GREB1L: variants seen among roughly 807,000 people sequenced by gnomAD.
GREB1L encodes the protein GREB1 like retinoic acid receptor coactivator.
In GREB1L, 17 loss-of-function variants were observed where a neutral mutation model predicts 200.8. The ratio of observed to expected loss-of-function variants is 0.08; its 90% CI spans 0.06 to 0.13. The LOEUF is 0.13. Among genes scored for constraint, GREB1L ranks in the 10% least tolerant of loss-of-function variants. GREB1L has a pLI of 1.00. For missense variants in GREB1L, 1,657 were observed against 2,367.7 expected (o/e 0.70, Z 6.23); for synonymous variants, 789 against 893.0 (o/e 0.88, Z 2.08).
chr18:21,325,061 T>C (rs2039002402), intron 1 of GREB1L, among the ~76,000 whole-genome samples: 1 of 152,208 alleles, frequency 6.6e-6, no homozygotes, highest in African/African-American at 2.4e-5. Context: ...AAACTACTGG[T>C]AGAAGTCTGT....
chr18:21,422,824 G>A (rs1210760303), intron 7 of GREB1L, among the ~76,000 whole-genome samples: 1 of 152,180 alleles, frequency 6.6e-6, no homozygotes, highest in East Asian at 1.9e-4. Context: ...TATGCATGCT[G>A]TCAAATTACT....
rs975761028 is a variant in GREB1L, at chr18:21,514,082, C to A, written c.4901+96C>A. 4 of 1,221,822 alleles carry A rather than the reference C, an allele frequency of 3.3e-6. No individual in the cohort carries two copies. The South Asian group carries it at 4.8e-5, about 15-fold the overall frequency. 75.7% of individuals were successfully genotyped at this position (1,221,822 alleles called of 1,614,324 possible). ...CATACGGAAGTAAGAAAGAGAGAGA[C>A]AGCTTTCCAGAGCAAAACAGTCAAC... is the stretch of plus-strand genomic sequence containing the variant. On this transcript the variant is annotated intron_variant, in intron 28 of 32. Coordinates refer to ENST00000424526, the MANE Select transcript of GREB1L (RefSeq NM_001142966.3).
intron 15 of GREB1L, among the ~76,000 whole-genome samples, chr18:21,455,637 A>C (rs1168166231): frequency 6.6e-6 from 1 of 151,658 alleles, no homozygotes; most frequent in African/African-American, 2.4e-5. Flanking sequence ...GAACCAAGAC[A>C]CTGCAGTCCA....
intron 1 of GREB1L, among the ~76,000 whole-genome samples, chr18:21,311,946 CCCAA>C (rs2038797901): frequency 6.6e-6 from 1 of 151,876 alleles, no homozygotes; most frequent in Non-Finnish European, 1.5e-5. Context: ...AAGCCTAGTA[CCCAA>C]TAGATATTTT....
At chr18:21,331,782 CA>C (rs1021035521) in intron 1 of GREB1L, among the ~76,000 whole-genome samples, 2 of 152,138 alleles carry the variant, frequency 1.3e-5, no homozygotes, top group Non-Finnish European at 2.9e-5. Flanking sequence ...ACGGGCAGTA[CA>C]ACCAAAAATT....
At chr18:21,429,672 G>A (rs1391962047) in intron 7 of GREB1L, among the ~76,000 whole-genome samples, 1 of 151,984 alleles carries the variant, frequency 6.6e-6, no homozygotes, top group Non-Finnish European at 1.5e-5. Flanking sequence ...GGATAATTGT[G>A]GGATTTATTT....
intron 15 of GREB1L, among the ~76,000 whole-genome samples, chr18:21,461,434 A>G (rs2145565675): frequency 6.6e-6 from 1 of 152,196 alleles, no homozygotes; most frequent in East Asian, 1.9e-4. Flanking sequence ...CCAAACCAAG[A>G]GGGCTGTCCA....
At chr18:21,421,716 G>C (rs1417502890) in intron 7 of GREB1L, among the ~76,000 whole-genome samples, 1 of 152,196 alleles carries the variant, frequency 6.6e-6, no homozygotes, top group Non-Finnish European at 1.5e-5. Flanking sequence ...TCATTTTGCA[G>C]ATCATGAAAC....
intron 1 of GREB1L, among the ~76,000 whole-genome samples, chr18:21,358,363 T>A (rs1189274066): frequency 6.6e-6 from 1 of 152,150 alleles, no homozygotes; most frequent in African/African-American, 2.4e-5. Flanking sequence ...TAGAGTGGAG[T>A]GGAGTGCAGT....
intron 31 of GREB1L, 50 bp downstream of exon 31, chr18:21,518,284 T>TTCTCATTTTA: frequency 4.0e-6 from 6 of 1,503,678 alleles, no homozygotes; most frequent in Middle Eastern, 1.7e-4. Context: ...ATCCATTTCT[T>TTCTCATTTTA]TCTCATTTTA....
intron 30 of GREB1L, 124 bp downstream of exon 30, chr18:21,516,878 T>TTTG: frequency 3.2e-6 from 1 of 310,350 alleles, no homozygotes; most frequent in Non-Finnish European, 4.5e-6. Flanking sequence ...CACAAGGGAG[T>TTTG]TTTTTTTTTT....
rs114439227 is a variant in GREB1L, at chr18:21,296,094, A to G, written c.-120+53701A>G. On this transcript the variant is annotated intron_variant, in intron 1 of 32. Transcript: ENST00000424526. ...TTACTGAGTGTATACCCAAAGGAAT[A>G]TAGCTCATTATACAAAAAGACACAT... 2.5e-3 allele frequency among the ~76,000 whole-genome samples: 379 copies of G among 152,350 alleles called. 2 individuals are homozygous for G. Among genetic ancestry groups the G allele is most frequent in the African/African-American group, 8.6e-3 (359 of 41,582 alleles).
chr18:21,496,125 GCAA>G (rs924117147), intron 20 of GREB1L, among the ~76,000 whole-genome samples: 4 of 152,110 alleles, frequency 2.6e-5, no homozygotes, highest in Non-Finnish European at 5.9e-5. Context: ...AGACTGGAGG[GCAA>G]CAACAACATC....
intron 1 of GREB1L, among the ~76,000 whole-genome samples, chr18:21,324,246 C>T (rs536113531): frequency 2.6e-4 from 40 of 152,170 alleles, no homozygotes; most frequent in African/African-American, 9.6e-4. Context: ...TCACACTTAC[C>T]GAATCTAACT....
rs574870193 is a variant in GREB1L, at chr18:21,334,263, T to A, written c.-119-31764T>A. On this transcript the variant is annotated intron_variant, in intron 1 of 32. Coordinates refer to ENST00000424526, the MANE Select transcript of GREB1L (RefSeq NM_001142966.3). The stretch of plus-strand genomic sequence containing the variant: ...CGAAGTGAGTGAGTCTTGTTTTAAT[T>A]CCACTTGGTATCAGTACCTGGGTAA... Among the ~76,000 whole-genome samples, 6 of 152,284 alleles carry A rather than the reference T, an allele frequency of 3.9e-5. No individual in the cohort carries two copies. The South Asian group carries it at 1.2e-3, about 32-fold the overall frequency.
intron 1 of GREB1L, among the ~76,000 whole-genome samples, chr18:21,302,690 G>C (rs1008155611): frequency 2.0e-5 from 3 of 152,070 alleles, no homozygotes; most frequent in Non-Finnish European, 4.4e-5. Context: ...TAGTGCAGGA[G>C]TTCATTCCAA....
intron 1 of GREB1L, among the ~76,000 whole-genome samples, chr18:21,321,070 G>A (rs1177314720): frequency 2.0e-5 from 3 of 150,818 alleles, no homozygotes; most frequent in South Asian, 2.1e-4. Flanking sequence ...GAGGCGGATG[G>A]ATCACCTGAG....
At chr18:21,386,195 A>G (rs540283547) in intron 4 of GREB1L, among the ~76,000 whole-genome samples, 4 of 152,216 alleles carry the variant, frequency 2.6e-5, no homozygotes, top group Non-Finnish European at 5.9e-5. Flanking sequence ...TTTGGTTCTT[A>G]TAATTAATGT....
intron 5 of GREB1L, among the ~76,000 whole-genome samples, chr18:21,400,159 C>G (rs2041258524): frequency 1.3e-5 from 2 of 151,244 alleles, no homozygotes; most frequent in South Asian, 2.1e-4. Context: ...AGAACTCACT[C>G]TTATTGTCTG....
Sources: gnomAD v4.1 joint callset for allele counts (sites outside exome capture counted in the v4.1 genomes callset) on GRCh38, gnomAD v4.1.1 for gene constraint, MANE v1.5 for transcripts, NCBI Gene and HGNC (gene_info 2026-07-23, HGNC 2026-07-21) for gene names.